The following CACNB2 variants were observed in gnomAD, a reference collection of about 807,000 sequenced individuals.
CACNB2 encodes calcium voltage-gated channel auxiliary subunit beta 2.
Under a neutral mutation model 73.3 loss-of-function variants are expected in CACNB2, and 42 were observed. That is an observed-to-expected ratio of 0.57 (90% CI 0.45 to 0.74). The LOEUF (loss-of-function observed/expected upper bound fraction) is 0.74. Among genes scored for constraint, CACNB2 ranks in the 30% least tolerant of loss-of-function variants. The pLI, the probability that CACNB2 is intolerant of heterozygous loss-of-function variation, is 0.00. For missense variants in CACNB2, 940 were observed against 853.0 expected (o/e 1.10, Z -1.27); for synonymous variants, 348 against 310.3 (o/e 1.12, Z -1.28).
intron 3 of CACNB2, among the ~76,000 whole-genome samples, chr10:18,430,562 T>G (rs1273594092): frequency 1.3e-5 from 2 of 152,048 alleles, no homozygotes; most frequent in African/African-American, 4.8e-5. Context: ...CCCAGGAGGT[T>G]GAGGCAGCAG....
intron 2 of CACNB2, among the ~76,000 whole-genome samples, chr10:18,211,847 A>G (rs906042475): frequency 8.3e-6 from 1 of 120,802 alleles, no homozygotes. Context: ...GCTGACAGAT[A>G]TTTATTTACG....
chr10:18,303,819 C>T (rs752634331), intron 2 of CACNB2, among the ~76,000 whole-genome samples: 1 of 152,068 alleles, frequency 6.6e-6, no homozygotes, highest in Non-Finnish European at 1.5e-5. Context: ...AGTGGGGGAG[C>T]GTTAAACCTG....
chr10:18,340,942 C>T, intron 2 of CACNB2: 1 of 1,614,112 alleles, frequency 6.2e-7, no homozygotes. Flanking sequence ...TGACAGACGC[C>T]TTATAGCTCC....
At chr10:18,497,105 G>A (rs1271104609) in intron 3 of CACNB2, among the ~76,000 whole-genome samples, 16 of 151,146 alleles carry the variant, frequency 1.1e-4, no homozygotes, top group African/African-American at 3.6e-4. Flanking sequence ...CAAGCTACTC[G>A]GGAGGCTGAA....
chr10:18,145,074 G>A (rs781745442), intron 1 of CACNB2, among the ~76,000 whole-genome samples: 9 of 152,214 alleles, frequency 5.9e-5, no homozygotes, highest in Non-Finnish European at 7.3e-5. Context: ...AAACTGAACA[G>A]ACAGTAACCA....
chr10:18,235,139 T>C (rs2036387198), intron 2 of CACNB2, among the ~76,000 whole-genome samples: 2 of 114,896 alleles, frequency 1.7e-5, no homozygotes, highest in African/African-American at 8.7e-5. Context: ...CGAGACTCTG[T>C]CTCAAAAAAA....
chr10:18,290,285 C>T (rs543210516), intron 2 of CACNB2, among the ~76,000 whole-genome samples: 98 of 151,502 alleles, frequency 6.5e-4, no homozygotes, highest in Non-Finnish European at 1.3e-3. Context: ...CCTCGGCCTC[C>T]GAAAATGCTG....
At chr10:18,183,731 A>G (rs965911000) in intron 2 of CACNB2, among the ~76,000 whole-genome samples, 1 of 152,204 alleles carries the variant, frequency 6.6e-6, no homozygotes, top group Non-Finnish European at 1.5e-5. Context: ...TTGGGTAGGG[A>G]CAAAGCCAAA....
At chr10:18,494,440 T>C (rs1395885769) in intron 3 of CACNB2, among the ~76,000 whole-genome samples, 1 of 151,812 alleles carries the variant, frequency 6.6e-6, no homozygotes, top group East Asian at 1.9e-4. Context: ...CCATCCTGGC[T>C]AACACGGTGA....
At chr10:18,142,569 T>C (rs926418888) in intron 1 of CACNB2, among the ~76,000 whole-genome samples, 3 of 152,224 alleles carry the variant, frequency 2.0e-5, no homozygotes, top group African/African-American at 7.2e-5. Flanking sequence ...ATTTAGACCC[T>C]CATTTGCCTT....
In CACNB2 at chr10:18,539,449, C is replaced by G. The variant is rs151274272; in HGVS notation, c.1708C>G (p.Pro570Ala). The G allele has an allele frequency of 4.8e-5, 77 of 1,613,852 alleles. No homozygotes were observed. Among genetic ancestry groups the G allele is most frequent in the Non-Finnish European group, 6.2e-5 (73 of 1,180,002 alleles). Residue 570 changes from proline to alanine, a missense_variant, in exon 14 of 14, where the codon CCA (proline) becomes GCA (alanine). Transcript: ENST00000324631. ...QESRDSAYVEPKEDYSHDHVD... is the reference protein window; with the variant it reads ...QESRDSAYVEAKEDYSHDHVD... ...GAGTCGAGACTCTGCCTACGTAGAGCCAAAGGAAGATTATTCCCATGACCA... is the reference window on the plus strand; with the variant it reads ...GAGTCGAGACTCTGCCTACGTAGAGGCAAAGGAAGATTATTCCCATGACCA...
At chr10:18,482,666 A>C (rs1364207543) in intron 3 of CACNB2, among the ~76,000 whole-genome samples, 3 of 152,054 alleles carry the variant, frequency 2.0e-5, no homozygotes, top group Admixed American at 1.3e-4. Context: ...GCCCGCCACC[A>C]TGCCCAGCTA....
At chr10:18,280,938 C>G (rs1353909864) in intron 2 of CACNB2, among the ~76,000 whole-genome samples, 1 of 152,150 alleles carries the variant, frequency 6.6e-6, no homozygotes, top group Non-Finnish European at 1.5e-5. Flanking sequence ...TTTACTGTTC[C>G]CAAAAGCCCT....
intron 7 of CACNB2, 158 bp downstream of exon 7, chr10:18,514,527 A>T: frequency 6.2e-7 from 1 of 1,613,928 alleles, no homozygotes; most frequent in East Asian, 2.2e-5. Flanking sequence ...AGAAGCAGAA[A>T]TCGGTAAGTT....
chr10:18,536,247 T>TA, intron 12 of CACNB2, 51 bp downstream of exon 12: 1 of 486,956 alleles, frequency 2.1e-6, no homozygotes, highest in Non-Finnish European at 3.4e-6. Flanking sequence ...TCAGACCTTT[T>TA]TTTTTTTTTT....
At chr10:18,344,226 T>C (rs1429490461) in intron 2 of CACNB2, among the ~76,000 whole-genome samples, 2 of 152,160 alleles carry the variant, frequency 1.3e-5, no homozygotes, top group Non-Finnish European at 2.9e-5. Flanking sequence ...CTAATGTATG[T>C]ACATGGAGAT....
Position 18,278,535 on chromosome 10 carries a change from C to G in CACNB2, c.214-123389C>G, listed in dbSNP as rs10741020. On this transcript the variant is annotated intron_variant, in intron 2 of 13. Coordinates refer to ENST00000324631, the MANE Select transcript of CACNB2 (RefSeq NM_201596.3). ...GTGACAGGGGCTATTGAGAGAAAAA[C>G]AAAGAAAATGAAACATAAATATGAT... 2.0e-3 allele frequency among the ~76,000 whole-genome samples: 301 copies of G among 151,974 alleles called. 1 individual carries two copies. The highest frequency in any genetic ancestry group is 7.0e-3 in the African/African-American group (290 of 41,450).
intron 2 of CACNB2, among the ~76,000 whole-genome samples, chr10:18,361,047 CCT>C (rs1462744371): frequency 2.0e-5 from 3 of 152,068 alleles, no homozygotes; most frequent in Non-Finnish European, 4.4e-5. Context: ...CTGAGCATGA[CCT>C]CTCATTCTTC....
chr10:18,173,907 G>A (rs2131168237), intron 2 of CACNB2, among the ~76,000 whole-genome samples: 1 of 152,248 alleles, frequency 6.6e-6, no homozygotes, highest in African/African-American at 2.4e-5. Flanking sequence ...CTGCAAATTA[G>A]TAAGTTCAGG....
Sources: allele counts gnomAD v4.1 joint callset (sites outside exome capture counted in the v4.1 genomes callset), GRCh38; gene constraint gnomAD v4.1.1; transcripts MANE v1.5; gene names NCBI Gene and HGNC (gene_info 2026-07-23, HGNC 2026-07-21).